AUTS2: variants seen among roughly 807,000 people sequenced by gnomAD.
AUTS2 encodes the protein autism susceptibility gene 2 protein.
In AUTS2, 17 loss-of-function variants were observed where a neutral mutation model predicts 112.4. That is an observed-to-expected ratio of 0.15 (90% CI 0.10 to 0.23). The LOEUF is 0.23. AUTS2 is among the 10% of genes least tolerant of loss of function. The pLI, the probability that AUTS2 is intolerant of heterozygous loss-of-function variation, is 1.00. For synonymous variants in AUTS2, 751 were observed against 702.7 expected (o/e 1.07, Z -1.09); for missense variants, 1,510 against 1,701.6 (o/e 0.89, Z 1.98).
intron 1 of AUTS2, among the ~76,000 whole-genome samples, chr7:69,765,558 C>T (rs1788382783): frequency 6.6e-6 from 1 of 152,156 alleles, no homozygotes; most frequent in Non-Finnish European, 1.5e-5. Context: ...CTCAAGTGGT[C>T]CTCCTGCCTT....
chr7:70,763,391 T>A, intron 7 of AUTS2, 50 bp downstream of exon 7: 1 of 1,395,300 alleles, frequency 7.2e-7, no homozygotes, highest in Middle Eastern at 1.9e-4. Context: ...TCCCTGGGGA[T>A]CAGGTGGGTG....
intron 2 of AUTS2, among the ~76,000 whole-genome samples, chr7:69,976,903 T>A (rs1243695849): frequency 6.6e-6 from 1 of 152,234 alleles, no homozygotes; most frequent in African/African-American, 2.4e-5. Context: ...TTTTTCACTC[T>A]GTTGATTGTG....
intron 4 of AUTS2, among the ~76,000 whole-genome samples, chr7:70,170,420 T>C (rs982087769): frequency 2.6e-5 from 4 of 151,856 alleles, no homozygotes; most frequent in Non-Finnish European, 4.4e-5. Context: ...CCTGGTGGGA[T>C]TACAGGGATT....
rs201026739 is a variant in AUTS2, at chr7:69,929,074, A to AT, written c.522+29578dup. Among the ~76,000 whole-genome samples, 143 of 152,326 alleles carry AT rather than the reference A, an allele frequency of 9.4e-4. 2 individuals are homozygous for AT. The East Asian group carries it at 0.026, about 27-fold the overall frequency. On this transcript the variant is annotated intron_variant, in intron 2 of 18. Coordinates refer to ENST00000342771, the MANE Select transcript of AUTS2 (RefSeq NM_015570.4). ...GAGAGAATTTACTGATGATGAAATC[A>AT]TTCAGCTTTTGTATGCCTGAAAACA...
intron 5 of AUTS2, among the ~76,000 whole-genome samples, chr7:70,453,312 C>T (rs1433969762): frequency 6.6e-6 from 1 of 152,222 alleles, no homozygotes; most frequent in Non-Finnish European, 1.5e-5. Context: ...ATCCAGAAAA[C>T]ACACTTTCTA....
chr7:70,543,976 G>C (rs944163931), intron 5 of AUTS2, among the ~76,000 whole-genome samples: 3 of 152,174 alleles, frequency 2.0e-5, no homozygotes, highest in African/African-American at 7.2e-5. Context: ...TAGACCTTGA[G>C]ACTTCATAAT....
chr7:70,631,447 A>G lies in AUTS2; in HGVS notation c.691-67122A>G, dbSNP rs894110691. Among the ~76,000 whole-genome samples, 1 of 152,108 alleles carries G rather than the reference A, an allele frequency of 6.6e-6. No individual in the cohort carries two copies. The highest frequency in any genetic ancestry group is 2.4e-5 in the African/African-American group (1 of 41,422). ...AGGCTCGTTTCAGAGGAAGCGTCCA[A>G]TGGGCCGTTCAGGTTAGGGAGTTCC... is the stretch of plus-strand genomic sequence containing the variant. On this transcript the variant is annotated intron_variant, in intron 5 of 18. Transcript: ENST00000342771. This position sits in a 1 kb window ranked among gnomAD's most constrained non-coding sequence, Gnocchi z 4.5.
At chr7:70,061,398 T>A (rs1010289430) in intron 2 of AUTS2, among the ~76,000 whole-genome samples, 1 of 152,188 alleles carries the variant, frequency 6.6e-6, no homozygotes, top group Non-Finnish European at 1.5e-5. Flanking sequence ...TTAATTTTCC[T>A]CTCAAGGAGG....
chr7:70,431,454 C>G (rs1795666085), intron 4 of AUTS2, among the ~76,000 whole-genome samples: 1 of 152,114 alleles, frequency 6.6e-6, no homozygotes, highest in South Asian at 2.1e-4. Context: ...GGAGTGATCT[C>G]AGCTCACTAC....
chr7:69,842,310 A>G (rs532019864), intron 1 of AUTS2, among the ~76,000 whole-genome samples: 2 of 152,338 alleles, frequency 1.3e-5, no homozygotes, highest in African/African-American at 4.8e-5. Context: ...TAGATTTTAT[A>G]AGGAACATGT....
chr7:70,286,129 A>T (rs1788447289), intron 4 of AUTS2, among the ~76,000 whole-genome samples: 2 of 152,194 alleles, frequency 1.3e-5, no homozygotes, highest in Non-Finnish European at 1.5e-5. Context: ...ATAGAGGATG[A>T]GCAAAATGTT....
At chr7:69,685,829 G>A (rs1797042309) in intron 1 of AUTS2, among the ~76,000 whole-genome samples, 1 of 151,648 alleles carries the variant, frequency 6.6e-6, no homozygotes, top group Non-Finnish European at 1.5e-5. Flanking sequence ...ACAGGCATGA[G>A]CCACCACACA....
intron 5 of AUTS2, among the ~76,000 whole-genome samples, chr7:70,607,519 C>T (rs1052617969): frequency 4.6e-5 from 7 of 152,104 alleles, no homozygotes; most frequent in Non-Finnish European, 5.9e-5. Flanking sequence ...GTCTGGGGAA[C>T]TTTGGGAGAT....
chr7:70,360,232 A>G (rs992720139), intron 4 of AUTS2, among the ~76,000 whole-genome samples: 2 of 152,124 alleles, frequency 1.3e-5, no homozygotes, highest in African/African-American at 2.4e-5. Flanking sequence ...GGCTCAGGCA[A>G]TCCTCTCACT....
chr7:70,298,018 G>GT (rs1172661353), intron 4 of AUTS2, among the ~76,000 whole-genome samples: 25 of 151,190 alleles, frequency 1.7e-4, no homozygotes, highest in South Asian at 2.1e-4. Flanking sequence ...TCTTTTTTTG[G>GT]TTTTTTTTGG....
intron 2 of AUTS2, among the ~76,000 whole-genome samples, chr7:70,040,586 G>A (rs1440865803): frequency 6.6e-6 from 1 of 150,900 alleles, no homozygotes; most frequent in African/African-American, 2.5e-5. Flanking sequence ...ATGTTGGCTT[G>A]GTGGTACAGC....
chr7:69,926,445 G>GTCTGTCTGTCTATCTATCTA (rs796507485), intron 2 of AUTS2, among the ~76,000 whole-genome samples: 22 of 123,200 alleles, frequency 1.8e-4, no homozygotes, highest in African/African-American at 7.2e-4. Flanking sequence ...CTGTCTGTCT[G>GTCTGTCTGTCTATCTATCTA]TCTATCTATC....
chr7:69,821,930 A>T (rs1791017766), intron 1 of AUTS2, among the ~76,000 whole-genome samples: 6 of 152,028 alleles, frequency 3.9e-5, no homozygotes, highest in Admixed American at 3.9e-4. Context: ...AAAAAAAAAA[A>T]AAAAAAAGTC....
chr7:70,790,706 C>T lies in AUTS2; in HGVS notation c.3490C>T (p.His1164Tyr). 3.7e-6 allele frequency: 6 copies of T among 1,613,678 alleles called. No homozygotes were observed. Among genetic ancestry groups the T allele is most frequent in the Non-Finnish European group, 5.1e-6 (6 of 1,179,984 alleles). The change falls in exon 19 of 19, where the codon CAC becomes TAC. Residue 1164 changes from histidine to tyrosine, a missense_variant. Physicochemically the swap from His to Tyr is moderately conservative, Grantham distance 83. Transcript: ENST00000342771. The surrounding 1 kb of genome is among the most constrained non-coding windows in gnomAD (Gnocchi z 7.6). ...GCACATGCTCAGAGAAGACTACGAG[C>T]ACACGCGGCTCCACTCCGTGCACCC... is the stretch of plus-strand genomic sequence containing the variant. ...RLHMLREDYE[H>Y]TRLHSVHPAS...
Sources: gnomAD v4.1 joint callset for allele counts (sites outside exome capture counted in the v4.1 genomes callset) on GRCh38, gnomAD v4.1.1 for gene constraint, Gnocchi (gnomAD v3.1) non-coding constraint, MANE v1.5 for transcripts, NCBI Gene and HGNC (gene_info 2026-07-23, HGNC 2026-07-21) for gene names.